USH1C: variants seen among roughly 807,000 people sequenced by gnomAD.
The protein encoded by USH1C is USH1 protein network component harmonin, also known as harmonin.
Under a neutral mutation model 119.3 loss-of-function variants are expected in USH1C, and 90 were observed. The ratio of observed to expected loss-of-function variants is 0.75; its 90% confidence interval spans 0.64 to 0.90. USH1C has a LOEUF of 0.90. Ranked by LOEUF, USH1C falls within the 40% of genes least tolerant of loss-of-function variation. The pLI is 0.00. For missense variants in USH1C, 1,165 were observed against 1,167.7 expected, an observed-to-expected ratio of 1.00 and a Z score of 0.03; for synonymous variants, 465 against 443.3, an observed-to-expected ratio of 1.05 and a Z score of -0.62.
rs1415049172 is a variant in USH1C, at chr11:17,517,431, C to T, written c.1211-1141G>A. 2 of 1,595,820 alleles carry T rather than the reference C, an allele frequency of 1.3e-6. No homozygotes were observed. The highest frequency in any genetic ancestry group is 1.1e-5 in the South Asian group (1 of 87,794). ...CTCCCTGCTCCTCCGTGCCTCCATC[C>T]AGGTCATCTGCGGGCTCGAGCTCAG... On this transcript the variant is annotated intron_variant, in intron 14 of 26. Transcript: ENST00000005226.
intron 1 of USH1C, among the ~76,000 whole-genome samples, chr11:17,538,727 G>T (rs1046296768): frequency 6.6e-6 from 1 of 152,140 alleles, no homozygotes. Context: ...GCTTTCTGCT[G>T]TGTTCAGCCA....
intron 12 of USH1C, among the ~76,000 whole-genome samples, chr11:17,522,454 A>G (rs949939491): frequency 1.3e-5 from 2 of 152,230 alleles, no homozygotes; most frequent in Non-Finnish European, 2.9e-5. Context: ...CAAGGCCCTA[A>G]TACAACACCA....
At chr11:17,533,408 G>C (rs1466571395) in intron 1 of USH1C, 86 bp from the exon 2 acceptor site, 5 of 974,072 alleles carry the variant, frequency 5.1e-6, no homozygotes, top group Non-Finnish European at 6.5e-6. Flanking sequence ...CATCCCCAAG[G>C]GCCTCCCCAG....
chr11:17,501,726 C>G (rs985474332), intron 21 of USH1C, among the ~76,000 whole-genome samples, 191 bp from the exon 22 acceptor site: 1 of 152,136 alleles, frequency 6.6e-6, no homozygotes, highest in African/African-American at 2.4e-5. Flanking sequence ...ACAGTGGACA[C>G]ACACACGTGC....
Position 17,522,776 on chromosome 11 carries a change from G to T in USH1C, c.1019+8C>A. ...CGGGACAGGGCATCCAGGGCTGGCT[G>T]CACTCACTGCCGCTCCATCTCCTGC... On this transcript the variant is annotated splice_region_variant and intron_variant, in intron 12 of 26. Coordinates refer to ENST00000005226, the MANE Select transcript of USH1C (RefSeq NM_153676.4). 1 of 1,613,820 alleles carries T rather than the reference G, an allele frequency of 6.2e-7. No homozygotes were observed. The highest frequency in any genetic ancestry group is 8.5e-7 in the Non-Finnish European group (1 of 1,179,978).
At position 17,521,310 on chromosome 11, in the gene USH1C, T is replaced by C. The variant is rs1283074090; in HGVS notation, c.1085+36A>G. On this transcript the variant is annotated intron_variant, in intron 13 of 26. Transcript: ENST00000005226. The stretch of plus-strand genomic sequence containing the variant: ...CCACACTCCCCTGAGCACACTGATG[T>C]TCATGCACAGACACGCGTGGAGCCG... 9 of 1,609,684 alleles carry C rather than the reference T, an allele frequency of 5.6e-6. No homozygotes were observed. The Admixed American group carries it at 8.3e-5, about 15-fold the overall frequency.
chr11:17,544,241 C>T, intron 1 of USH1C, 31 bp downstream of exon 1: 3 of 1,613,748 alleles, frequency 1.9e-6, no homozygotes, highest in Non-Finnish European at 2.5e-6. Context: ...CTCCGGAGTC[C>T]CAGAAGCCTG....
rs200376900 is a variant in USH1C, at chr11:17,510,385, G to A, written c.1530+20C>T. The A allele has an allele frequency of 6.3e-7, 1 of 1,597,100 alleles. No homozygotes were observed. The highest frequency in any genetic ancestry group is 2.2e-5 in the East Asian group (1 of 44,770). ...CTGAAGACAGCAGGAGGGTCTATGT[G>A]GAAAGAAGGGCTCTGTTACCTCTGA... On this transcript the variant is annotated intron_variant, in intron 17 of 26. Coordinates refer to ENST00000005226, the MANE Select transcript of USH1C (RefSeq NM_153676.4).
chr11:17,537,740 T>C (rs919407781), intron 1 of USH1C, among the ~76,000 whole-genome samples: 1 of 152,208 alleles, frequency 6.6e-6, no homozygotes, highest in Non-Finnish European at 1.5e-5. Flanking sequence ...CCTCCCAGCC[T>C]GAGTCTCTTT....
In USH1C at chr11:17,494,256, G is replaced by A. The variant is rs1285810465; in HGVS notation, c.*76C>T. On this transcript the variant is annotated 3_prime_UTR_variant, in exon 27 of 27. Coordinates refer to ENST00000005226, the MANE Select transcript of USH1C (RefSeq NM_153676.4). ...ATTCAGGTCCCAAGGATGCCATCTG[G>A]TGTGTGTAGTGTGGCCTCTCTCAAG... is the stretch of plus-strand genomic sequence containing the variant. 4.0e-6 allele frequency: 6 copies of A among 1,504,398 alleles called. No homozygotes were observed. Among genetic ancestry groups the A allele is most frequent in the Admixed American group, 3.8e-5 (2 of 53,006 alleles). The allele number at this position is 1,504,398 out of a possible 1,614,324, so 93.2% of individuals were successfully genotyped here.
Position 17,496,738 on chromosome 11 carries a change from A to G in USH1C, c.2546+20T>C. ...GAGAAGGAAGAAGAGGTCTCAGGCTAGGTGCTTGCACACACTTACAGCTCA... is the reference window on the plus strand; with the variant it reads ...GAGAAGGAAGAAGAGGTCTCAGGCTGGGTGCTTGCACACACTTACAGCTCA... On this transcript the variant is annotated intron_variant, in intron 25 of 26. Transcript: ENST00000005226. The G allele has an allele frequency of 1.2e-6, 2 of 1,614,090 alleles. No individual in the cohort carries two copies. The highest frequency in any genetic ancestry group is 1.7e-6 in the Non-Finnish European group (2 of 1,179,910).
chr11:17,495,473 A>T (rs536064807), intron 26 of USH1C, 96 bp downstream of exon 26: 1 of 1,276,822 alleles, frequency 7.8e-7, no homozygotes, highest in South Asian at 1.2e-5. Context: ...TACCCTCCAG[A>T]CGCCAGTCCA....
chr11:17,531,917 A>G lies in USH1C; in HGVS notation c.105-375T>C, dbSNP rs1392315854. Among the ~76,000 whole-genome samples the G allele has an allele frequency of 1.3e-5, 2 of 151,952 alleles. No individual in the cohort carries two copies. Among genetic ancestry groups the G allele is most frequent in the Non-Finnish European group, 2.9e-5 (2 of 67,976 alleles). On this transcript the variant is annotated intron_variant, in intron 2 of 26. Transcript: ENST00000005226. This position sits in a 1 kb window ranked among gnomAD's most constrained non-coding sequence, Gnocchi z 4.2. ...TCGTATCTGCTGCTAAGCTCTGTCA[A>G]TTTCACCTCACCACAGTTCACATGC...
At chr11:17,500,971 G>A in intron 23 of USH1C, 80 bp downstream of exon 23, 3 of 1,220,278 alleles carry the variant, frequency 2.5e-6, no homozygotes, top group Non-Finnish European at 3.6e-6. Context: ...ACTCCAAGTG[G>A]TCACCTGTTT....
At position 17,523,420 on chromosome 11, in the gene USH1C, T is replaced by C; in HGVS notation, c.818A>G (p.Glu273Gly). 6.2e-7 allele frequency: 1 copy of C among 1,614,204 alleles called. No individual in the cohort carries two copies. The highest frequency in any genetic ancestry group is 8.5e-7 in the Non-Finnish European group (1 of 1,180,038). The change falls in exon 10 of 27, where the codon GAG (glutamate) becomes GGG (glycine). Residue 273 changes from glutamate (E) to glycine (G), a missense_variant and splice_region_variant. Glu to Gly is a moderately conservative substitution (Grantham distance 98, BLOSUM62 -2). Transcript: ENST00000005226. ...CAGGTGAAGACCCCCACATCTCACC[T>C]CCTTGTGATCCAGGTTAGAGAAGTC... is the stretch of plus-strand genomic sequence containing the variant. ...GVDFSNLDHK[E>G]AVNVLKSSRS...
intron 11 of USH1C, 66 bp downstream of exon 11, chr11:17,523,145 A>C (rs1295136736): frequency 6.8e-6 from 11 of 1,609,622 alleles, no homozygotes; most frequent in East Asian, 6.7e-5. Flanking sequence ...TGTGTGGCAG[A>C]GATCAAAGGT....
intron 1 of USH1C, among the ~76,000 whole-genome samples, chr11:17,534,888 A>C (rs1184739608): frequency 6.6e-6 from 1 of 151,424 alleles, no homozygotes; most frequent in Non-Finnish European, 1.5e-5. Context: ...AAAAAAAAAA[A>C]AAAAGGAGCT....
intron 14 of USH1C, among the ~76,000 whole-genome samples, chr11:17,518,727 G>T (rs1850268127): frequency 6.6e-6 from 1 of 152,180 alleles, no homozygotes; most frequent in South Asian, 2.1e-4. Context: ...TTTAAAAAAT[G>T]CAGGGCCCGG....
intron 12 of USH1C, among the ~76,000 whole-genome samples, chr11:17,521,964 G>C (rs527865261): frequency 8.5e-5 from 13 of 152,214 alleles, no homozygotes; most frequent in African/African-American, 3.1e-4. Context: ...GAGAAGCTGG[G>C]ATTACAGTCG....
Sources: gnomAD v4.1 joint callset for allele counts (sites outside exome capture counted in the v4.1 genomes callset) on GRCh38, gnomAD v4.1.1 for gene constraint, Gnocchi (gnomAD v3.1) non-coding constraint, MANE v1.5 for transcripts, NCBI Gene and HGNC (gene_info 2026-07-23, HGNC 2026-07-21) for gene names.